PIGU: variants seen among roughly 807,000 people sequenced by gnomAD.
The protein encoded by PIGU is phosphatidylinositol glycan anchor biosynthesis class U.
A neutral mutation model predicts 49.9 loss-of-function variants in PIGU; 24 were observed. The ratio of observed to expected loss-of-function variants is 0.48; its 90% CI spans 0.35 to 0.68. PIGU has a LOEUF of 0.68. PIGU is among the 30% of genes least tolerant of loss of function. The pLI is 0.01. For missense variants in PIGU, 490 were observed against 532.6 expected, an observed-to-expected ratio of 0.92 and a Z score of 0.79; for synonymous variants, 220 against 205.7, an observed-to-expected ratio of 1.07 and a Z score of -0.59.
intron 1 of PIGU, among the ~76,000 whole-genome samples, chr20:34,675,706 T>C (rs1175893186): frequency 1.3e-5 from 2 of 152,180 alleles, no homozygotes; most frequent in Non-Finnish European, 2.9e-5. Context: ...CAACATTCTA[T>C]GGGATAACAT....
rs8118838 is a variant in PIGU at position 34,643,864 on chromosome 20, C to T, written c.318+300G>A. 7.1e-3 allele frequency: 1,134 copies of T among 159,850 alleles called. 17 individuals carry two copies. The highest frequency in any genetic ancestry group is 0.027 in the African/African-American group (1,082 of 39,590). The allele number at this position is 159,850 out of a possible 1,614,324, so 9.9% of individuals were successfully genotyped here. ...GAAGATTTTTAAGGGTCCTCATTAA[C>T]GACAGGTAATATAACTGTTATTCAG... On this transcript the variant is annotated intron_variant, in intron 4 of 11. Coordinates refer to ENST00000217446, the MANE Select transcript of PIGU (RefSeq NM_080476.5).
At chr20:34,663,238 C>G (rs912967529) in intron 1 of PIGU, among the ~76,000 whole-genome samples, 5 of 152,040 alleles carry the variant, frequency 3.3e-5, no homozygotes, top group Non-Finnish European at 7.4e-5. Flanking sequence ...ACTGAGTTAC[C>G]TATTAAAAAA....
intron 6 of PIGU, among the ~76,000 whole-genome samples, chr20:34,628,815 C>A (rs942362743): frequency 7.9e-5 from 12 of 152,276 alleles, no homozygotes; most frequent in African/African-American, 2.9e-4. Flanking sequence ...CATGTCACTG[C>A]ACTCCAACCT....
rs555638576 is a variant in PIGU, at chr20:34,600,092, A to C, written c.628-11485T>G. On this transcript the variant is annotated intron_variant, in intron 7 of 11. Coordinates refer to ENST00000217446, the MANE Select transcript of PIGU (RefSeq NM_080476.5). ...TCTAGAAGAATAAAGTTTCAAGAGA[A>C]TGATAAATTTCTGGGGATGGAAAAT... Among the ~76,000 whole-genome samples, 32 of 152,296 alleles carry C rather than the reference A, an allele frequency of 2.1e-4. No homozygotes were observed. In the Middle Eastern group the frequency reaches 0.014, roughly 65 times the overall value.
chr20:34,577,249 C>T (rs1983273170), intron 10 of PIGU, among the ~76,000 whole-genome samples: 1 of 152,170 alleles, frequency 6.6e-6, no homozygotes, highest in Admixed American at 6.5e-5. Flanking sequence ...TGATACTGAC[C>T]TTCAGGAAAT....
In PIGU at chr20:34,677,016, G is replaced by C. The variant is rs1486429155; in HGVS notation, c.70C>G (p.Leu24Val). 2 of 1,583,544 alleles carry C rather than the reference G, an allele frequency of 1.3e-6. No individual in the cohort carries two copies. The highest frequency in any genetic ancestry group is 2.3e-5 in the South Asian group (2 of 86,650). The stretch of plus-strand genomic sequence containing the variant: ...ACCCGCTCGGAAATGAACTCGGCCA[G>C]ACTGGAGCGGAACAAGGCCGCCCGC... ...TVRAALFRSSLAEFISERVEV... is the reference protein window; with the variant it reads ...TVRAALFRSSVAEFISERVEV... The change falls in exon 1 of 12, where the codon CTG becomes GTG. Residue 24 changes from leucine (L) to valine (V), a missense_variant. Leu to Val is a conservative substitution (Grantham distance 32). Transcript: ENST00000217446.
At chr20:34,638,312 C>A (rs1245345015) in intron 4 of PIGU, among the ~76,000 whole-genome samples, 2 of 152,224 alleles carry the variant, frequency 1.3e-5, no homozygotes, top group African/African-American at 4.8e-5. Context: ...CTCACCACCC[C>A]ACACCCAGGT....
intron 6 of PIGU, among the ~76,000 whole-genome samples, chr20:34,631,747 A>T (rs1600644082): frequency 3.6e-4 from 2 of 5,550 alleles, no homozygotes; most frequent in African/African-American, 3.8e-3. Flanking sequence ...ATATATATAT[A>T]TATATATATA....
intron 7 of PIGU, 152 bp from the exon 8 acceptor site, chr20:34,588,759 G>A (rs1983812290): frequency 1.4e-6 from 1 of 691,880 alleles, no homozygotes; most frequent in Non-Finnish European, 2.3e-6. Flanking sequence ...AAGGATGTAA[G>A]TGTTAAAAAG....
At chr20:34,664,814 C>A (rs944326187) in intron 1 of PIGU, among the ~76,000 whole-genome samples, 3 of 151,930 alleles carry the variant, frequency 2.0e-5, no homozygotes, top group African/African-American at 7.3e-5. Context: ...CATGGTGAAA[C>A]CCTGTCTCTA....
intron 1 of PIGU, among the ~76,000 whole-genome samples, chr20:34,661,237 G>C (rs1986917716): frequency 6.6e-6 from 1 of 151,894 alleles, no homozygotes; most frequent in Non-Finnish European, 1.5e-5. Context: ...GGGTTGAGGG[G>C]GTACATGTCC....
intron 6 of PIGU, among the ~76,000 whole-genome samples, chr20:34,619,979 T>C (rs1434167767): frequency 6.6e-6 from 1 of 152,174 alleles, no homozygotes; most frequent in East Asian, 1.9e-4. Context: ...CTGGAGCATT[T>C]ATCCTTTCAG....
chr20:34,616,003 T>G (rs1389476715), intron 7 of PIGU, 39 bp downstream of exon 7: 3 of 1,578,334 alleles, frequency 1.9e-6, no homozygotes, highest in Non-Finnish European at 2.6e-6. Context: ...ATGTATTAAA[T>G]GTCACTTGGG....
intron 4 of PIGU, among the ~76,000 whole-genome samples, chr20:34,643,295 G>A (rs1249692004): frequency 2.6e-5 from 4 of 152,020 alleles, no homozygotes; most frequent in Non-Finnish European, 5.9e-5. Flanking sequence ...GCCCATTAAG[G>A]CCAAGTTAAG....
intron 11 of PIGU, among the ~76,000 whole-genome samples, chr20:34,574,176 C>T (rs987172286): frequency 6.6e-6 from 1 of 152,194 alleles, no homozygotes; most frequent in African/African-American, 2.4e-5. Context: ...GAGAAGGCAG[C>T]ACGTGGAGGA....
intron 11 of PIGU, among the ~76,000 whole-genome samples, chr20:34,566,275 T>C (rs918003758): frequency 6.6e-6 from 1 of 152,194 alleles, no homozygotes; most frequent in South Asian, 2.1e-4. Flanking sequence ...CCCAACCAAA[T>C]GGGGCTGCAT....
At chr20:34,671,575 T>C (rs1480960707) in intron 1 of PIGU, among the ~76,000 whole-genome samples, 1 of 152,130 alleles carries the variant, frequency 6.6e-6, no homozygotes, top group East Asian at 1.9e-4. Flanking sequence ...TAATTTCTTA[T>C]TAATTTTTTA....
Position 34,642,652 on chromosome 20 carries a change from CATAT to C in PIGU, c.318+1508_318+1511del, listed in dbSNP as rs10639203. ...ATCTATATCACACATATATATATCT[CATAT>C]ATATATATATATATATATATGCACA... On this transcript the variant is annotated intron_variant, in intron 4 of 11. Transcript: ENST00000217446. Among the ~76,000 whole-genome samples the C allele has an allele frequency of 5.1e-3, 670 of 131,396 alleles. 7 individuals carry two copies. The highest frequency in any genetic ancestry group is 0.014 in the African/African-American group (503 of 35,528). 86.2% of individuals were successfully genotyped at this position (131,396 alleles called of 152,430 possible).
chr20:34,582,378 C>T (rs1034297400), intron 9 of PIGU, among the ~76,000 whole-genome samples: 2 of 152,152 alleles, frequency 1.3e-5, no homozygotes, highest in Admixed American at 6.5e-5. Context: ...CTCAACCACC[C>T]CTCAAGGCAG....
Sources: allele counts gnomAD v4.1 joint callset (sites outside exome capture counted in the v4.1 genomes callset), GRCh38; gene constraint gnomAD v4.1.1; transcripts MANE v1.5; gene names NCBI Gene and HGNC (gene_info 2026-07-23, HGNC 2026-07-21).